The following TENM2 variants were observed in gnomAD, a reference collection of about 807,000 sequenced individuals.
TENM2 encodes the protein teneurin transmembrane protein 2, also known as teneurin-2.
In TENM2, 52 loss-of-function variants were observed where a neutral mutation model predicts 245.2. The observed-to-expected ratio is 0.21, with a 90% CI of 0.17 to 0.27. The LOEUF (loss-of-function observed/expected upper bound fraction) is 0.27. Among genes scored for constraint, TENM2 ranks in the 10% least tolerant of loss-of-function variants. The pLI is 1.00. For missense variants in TENM2, 3,046 were observed against 3,666.8 expected (o/e 0.83, Z 4.37); for synonymous variants, 1,363 against 1,438.9 (o/e 0.95, Z 1.19).
chr5:167,383,277 G>C (rs374192616), intron 2 of TENM2, among the ~76,000 whole-genome samples: 121 of 152,198 alleles, frequency 8.0e-4, no homozygotes, highest in African/African-American at 2.7e-3. Flanking sequence ...TATAGTTTTG[G>C]GGGGAGAGAG....
chr5:167,775,688 T>TA (rs922993435), intron 2 of TENM2, among the ~76,000 whole-genome samples: 8 of 149,694 alleles, frequency 5.3e-5, no homozygotes, highest in Middle Eastern at 3.4e-3. Context: ...GTTCTCGGAT[T>TA]AAAAAAAAAA....
the TENM2 span, among the ~76,000 whole-genome samples, chr5:167,258,276 A>T: frequency 2.7e-5 from 4 of 147,338 alleles, no homozygotes; most frequent in African/African-American, 1.0e-4. Context: ...TCCATATCAG[A>T]TAGGAAAGTG....
At chr5:167,887,685 T>C (rs1774399182) in intron 3 of TENM2, among the ~76,000 whole-genome samples, 1 of 152,216 alleles carries the variant, frequency 6.6e-6, no homozygotes. Context: ...GTTGCTTTCA[T>C]TGATAAATGT....
chr5:167,344,731 A>AAG (rs1758354929), intron 1 of TENM2, among the ~76,000 whole-genome samples: 1 of 152,146 alleles, frequency 6.6e-6, no homozygotes, highest in African/African-American at 2.4e-5. Flanking sequence ...GTGACAGGGA[A>AAG]AGACACCATG....
At chr5:167,787,570 G>A (rs1764670485) in intron 2 of TENM2, among the ~76,000 whole-genome samples, 1 of 152,202 alleles carries the variant, frequency 6.6e-6, no homozygotes, top group African/African-American at 2.4e-5. Context: ...TCCATCCTAT[G>A]TTCTATCAAT....
chr5:167,771,472 T>G (rs775891895), intron 2 of TENM2, among the ~76,000 whole-genome samples: 1 of 152,082 alleles, frequency 6.6e-6, no homozygotes, highest in Non-Finnish European at 1.5e-5. Context: ...GAAGGAAAAA[T>G]AGTAGATTTA....
intron 2 of TENM2, among the ~76,000 whole-genome samples, chr5:167,736,749 C>G (rs1197099193): frequency 6.6e-6 from 1 of 151,774 alleles, no homozygotes; most frequent in African/African-American, 2.4e-5. Context: ...GAAGGAATCC[C>G]CGAAATGCAT....
At chr5:167,713,283 A>G (rs1234668929) in intron 2 of TENM2, among the ~76,000 whole-genome samples, 1 of 151,714 alleles carries the variant, frequency 6.6e-6, no homozygotes, top group Non-Finnish European at 1.5e-5. Context: ...TGCCAAATCA[A>G]CAGCCCAGAA....
At chr5:168,192,406 A>G (rs761901419) in intron 14 of TENM2, among the ~76,000 whole-genome samples, 1 of 152,184 alleles carries the variant, frequency 6.6e-6, no homozygotes, top group African/African-American at 2.4e-5. Flanking sequence ...AAACTTTACC[A>G]GTCCCAGTGA....
the TENM2 span, among the ~76,000 whole-genome samples, chr5:166,983,658 C>A: frequency 6.6e-6 from 1 of 152,064 alleles, no homozygotes; most frequent in Non-Finnish European, 1.5e-5. Context: ...CTTATCTTAT[C>A]AACATGGTGT....
At chr5:167,900,124 AAAAAAAAAAGG>A (rs1209465535) in intron 3 of TENM2, among the ~76,000 whole-genome samples, 8 of 122,306 alleles carry the variant, frequency 6.5e-5, no homozygotes, top group African/African-American at 2.7e-4. Context: ...AAAAAAAAAA[AAAAAAAAAAGG>A]GGGGGGGGGT....
intron 2 of TENM2, among the ~76,000 whole-genome samples, chr5:167,413,737 A>G (rs1763026082): frequency 1.3e-5 from 2 of 152,280 alleles, no homozygotes; most frequent in African/African-American, 4.8e-5. Context: ...CGTGGTTAAT[A>G]TATAACCATC....
chr5:167,532,297 C>G (rs1023589172), intron 2 of TENM2, among the ~76,000 whole-genome samples: 2 of 150,524 alleles, frequency 1.3e-5, no homozygotes, highest in Non-Finnish European at 3.0e-5. Flanking sequence ...TGCTCTCTCT[C>G]TCTCTCTCTC....
chr5:167,324,520 A>C (rs956463154), intron 1 of TENM2, among the ~76,000 whole-genome samples: 2 of 152,150 alleles, frequency 1.3e-5, no homozygotes, highest in African/African-American at 2.4e-5. Context: ...TTTGATCACA[A>C]AACTCTGAAC....
the TENM2 span, among the ~76,000 whole-genome samples, chr5:167,223,643 G>A: frequency 6.6e-6 from 1 of 151,950 alleles, no homozygotes; most frequent in Non-Finnish European, 1.5e-5. Context: ...TACAAATACT[G>A]CTGCAATAAA....
the TENM2 span, among the ~76,000 whole-genome samples, chr5:167,002,412 C>T: frequency 2.0e-5 from 3 of 152,126 alleles, no homozygotes. Flanking sequence ...GAGACCCTGT[C>T]TCCAAAGATA....
intron 2 of TENM2, among the ~76,000 whole-genome samples, chr5:167,474,640 G>A (rs1484772766): frequency 3.3e-5 from 5 of 151,378 alleles, no homozygotes; most frequent in African/African-American, 4.9e-5. Context: ...TCAGCCTCCC[G>A]AGTAGCTGGG....
chr5:168,238,182 AGAGGGAGGGAGGGAGGGAGG>A (rs1191935029), intron 25 of TENM2, among the ~76,000 whole-genome samples: 1 of 44,152 alleles, frequency 2.3e-5, no homozygotes, highest in African/African-American at 2.4e-4. Flanking sequence ...AGAGAGAGAG[AGAGGGAGGGAGGGAGGGAGG>A]GAGGGAGGGA....
intron 2 of TENM2, among the ~76,000 whole-genome samples, chr5:167,502,172 T>C (rs950150004): frequency 6.6e-6 from 1 of 152,180 alleles, no homozygotes; most frequent in East Asian, 1.9e-4. Flanking sequence ...GAGTTTGTGA[T>C]AACAATAGTG....
Sources: allele counts gnomAD v4.1 joint callset (sites outside exome capture counted in the v4.1 genomes callset), GRCh38; gene constraint gnomAD v4.1.1; transcripts MANE v1.5; gene names NCBI Gene and HGNC (gene_info 2026-07-23, HGNC 2026-07-21).